The following ZNF382 variants were observed in gnomAD, a reference collection of about 807,000 sequenced individuals.
ZNF382 encodes zinc finger protein 382.
Under a neutral mutation model 38.8 loss-of-function variants are expected in ZNF382, and 20 were observed. The observed-to-expected ratio is 0.51, with a 90% CI of 0.36 to 0.75. ZNF382 has a LOEUF of 0.75. Ranked by LOEUF, ZNF382 falls within the 30% of genes least tolerant of loss-of-function variation. The probability of loss-of-function intolerance (pLI) is 0.00; values close to 1 mark genes in which losing one functional copy is unlikely to be tolerated. For synonymous variants in ZNF382, 202 were observed against 223.1 expected (o/e 0.91, Z 0.84); for missense variants, 546 against 654.1 (o/e 0.83, Z 1.80).
chr19:36,612,207 T>C (rs2037083016), intron 4 of ZNF382, among the ~76,000 whole-genome samples: 1 of 152,254 alleles, frequency 6.6e-6, no homozygotes, highest in Admixed American at 6.5e-5. Flanking sequence ...TAGATTCATT[T>C]TGTCTATTGC....
At position 36,618,817 on chromosome 19, in the gene ZNF382, C is replaced by T. The variant is rs549795292; in HGVS notation, c.233-7313C>T. On this transcript the variant is annotated intron_variant, in intron 4 of 4. Coordinates refer to ENST00000292928, the MANE Select transcript of ZNF382 (RefSeq NM_032825.5). ...CTTTGGGAGGCTGCGACGGGAGGAT[C>T]ACTTGAGGCCAGGAGTTCCAGACCA... 2.6e-5 allele frequency among the ~76,000 whole-genome samples: 4 copies of T among 152,234 alleles called. No individual in the cohort carries two copies. In the South Asian group the frequency reaches 8.3e-4, roughly 32 times the overall value.
Position 36,627,495 on chromosome 19 carries a change from C to T in ZNF382, c.1598C>T (p.Ser533Leu). 6.2e-7 allele frequency: 1 copy of T among 1,613,854 alleles called. No individual in the cohort carries two copies. The highest frequency in any genetic ancestry group is 8.5e-7 in the Non-Finnish European group (1 of 1,179,780). ...KQCGKFFSCK[S>L]NLIVHQKTHK... ...TGTGGGAAGTTCTTCAGTTGTAAGT[C>T]AAACCTCATTGTCCATCAGAAAACT... The change falls in exon 5 of 5, where the codon TCA becomes TTA. Residue 533 changes from serine to leucine, a missense_variant. By Grantham distance (145) the Ser-to-Leu change is moderately radical (BLOSUM62 -2). Transcript: ENST00000292928.
At chr19:36,611,929 C>T (rs530646170) in intron 4 of ZNF382, among the ~76,000 whole-genome samples, 13 of 152,134 alleles carry the variant, frequency 8.5e-5, no homozygotes, top group Non-Finnish European at 1.6e-4. Context: ...GAATATCACT[C>T]CCCATGTAAA....
chr19:36,607,414 C>A, intron 1 of ZNF382, 138 bp from the exon 2 acceptor site: 1 of 571,154 alleles, frequency 1.8e-6, no homozygotes, highest in Non-Finnish European at 3.0e-6. Context: ...TAACTACCAT[C>A]CTGGACATCT....
chr19:36,625,089 AATATATATATATATAT>A (rs371760229), intron 4 of ZNF382, among the ~76,000 whole-genome samples: 719 of 43,004 alleles, frequency 0.017, 46 homozygotes, highest in Middle Eastern at 0.033. Context: ...AATGAATTTA[AATATATATATATATAT>A]ATATATATAT....
At position 36,629,621 on chromosome 19, in the gene ZNF382, TATCTGTTA is replaced by T. The variant is rs2037240503; in HGVS notation, c.*2074_*2081del. The T allele has an allele frequency of 6.6e-6, 1 of 152,210 alleles. No individual in the cohort carries two copies. Among genetic ancestry groups the T allele is most frequent in the Non-Finnish European group, 1.5e-5 (1 of 68,046 alleles). The allele number at this position is 152,210 out of a possible 1,614,324, so 9.4% of individuals were successfully genotyped here. On this transcript the variant is annotated 3_prime_UTR_variant, in exon 5 of 5. Coordinates refer to ENST00000292928, the MANE Select transcript of ZNF382 (RefSeq NM_032825.5). ...TTAAAAGGGAAAAGTAATTTTTTAG[TATCTGTTA>T]ATATATAATAAAAATAAAGGTATAA...
chr19:36,614,493 TG>T (rs1358772503), intron 4 of ZNF382, among the ~76,000 whole-genome samples: 10 of 152,258 alleles, frequency 6.6e-5, no homozygotes, highest in Admixed American at 1.3e-4. Context: ...TTGAGTCCTG[TG>T]GTTCATGACA....
intron 4 of ZNF382, among the ~76,000 whole-genome samples, chr19:36,617,007 C>T (rs1489444681): frequency 6.6e-6 from 1 of 151,882 alleles, no homozygotes; most frequent in Non-Finnish European, 1.5e-5. Flanking sequence ...AGGAGTGGAG[C>T]AGTGGGAAAA....
chr19:36,613,082 C>T (rs2037091996), intron 4 of ZNF382, among the ~76,000 whole-genome samples: 1 of 152,050 alleles, frequency 6.6e-6, no homozygotes, highest in Non-Finnish European at 1.5e-5. Context: ...TGAGCCACTG[C>T]ACCTGGCCCT....
chr19:36,611,923 A>G (rs371644240), intron 4 of ZNF382, among the ~76,000 whole-genome samples: 2 of 152,214 alleles, frequency 1.3e-5, no homozygotes, highest in Non-Finnish European at 2.9e-5. Flanking sequence ...AGGTATGAAT[A>G]TCACTCCCCA....
intron 3 of ZNF382, 127 bp from the exon 4 acceptor site, chr19:36,610,523 A>T: frequency 1.6e-6 from 1 of 614,788 alleles, no homozygotes; most frequent in South Asian, 2.2e-5. Context: ...TGTGTAGTGT[A>T]AGGTATTAAC....
In ZNF382 at chr19:36,607,216, CAAG is replaced by C. The variant is rs2037040298; in HGVS notation, c.-84-330_-84-328del. ...TATCAGTGTAAATTGGCAAAAAGTC[CAAG>C]AAGAACCGTTTGGAAATACACAGTA... On this transcript the variant is annotated intron_variant, in intron 1 of 4. Coordinates refer to ENST00000292928, the MANE Select transcript of ZNF382 (RefSeq NM_032825.5). 2.0e-5 allele frequency among the ~76,000 whole-genome samples: 3 copies of C among 152,186 alleles called. No individual in the cohort carries two copies. The East Asian group carries it at 5.8e-4, about 29-fold the overall frequency.
intron 4 of ZNF382, among the ~76,000 whole-genome samples, chr19:36,623,854 G>T (rs2037188854): frequency 6.6e-6 from 1 of 151,662 alleles, no homozygotes; most frequent in South Asian, 2.1e-4. Flanking sequence ...ACTTTGGGAG[G>T]CCGAGGTGGG....
At chr19:36,624,901 A>G (rs1279354384) in intron 4 of ZNF382, among the ~76,000 whole-genome samples, 1 of 145,218 alleles carries the variant, frequency 6.9e-6, no homozygotes, top group Non-Finnish European at 1.5e-5. Context: ...CCCGTCTGTG[A>G]AAAAAAAAAA....
intron 2 of ZNF382, chr19:36,609,196 A>G (rs1600386753): frequency 6.6e-6 from 1 of 152,248 alleles, no homozygotes; most frequent in East Asian, 1.9e-4. Context: ...AACAATTTAC[A>G]TTCGAGAGCA....
At chr19:36,609,761 T>C (rs1600387057) in intron 2 of ZNF382, 141 bp from the exon 3 acceptor site, 1 of 783,510 alleles carries the variant, frequency 1.3e-6, no homozygotes, top group East Asian at 3.2e-5. Context: ...AGCATGAGAT[T>C]ATAAGTAAAT....
At chr19:36,611,315 TC>T (rs1430259354) in intron 4 of ZNF382, among the ~76,000 whole-genome samples, 1 of 151,618 alleles carries the variant, frequency 6.6e-6, no homozygotes, top group African/African-American at 2.4e-5. Context: ...AAAAATAACT[TC>T]CCTTTATCCC....
Position 36,626,795 on chromosome 19 carries a change from T to C in ZNF382, c.898T>C (p.Tyr300His). Reference protein sequence around the residue: ...QTEEKPFHCPYCGNNFRRKSY... With the variant: ...QTEEKPFHCPHCGNNFRRKSY... ...AGAAGAGAAACCCTTTCACTGTCCT[T>C]ACTGTGGGAATAACTTTAGAAGGAA... The change falls in exon 5 of 5, where the codon TAC becomes CAC. Residue 300 changes from tyrosine (Y) to histidine (H), a missense_variant. Transcript: ENST00000292928. The C allele has an allele frequency of 1.2e-6, 2 of 1,614,224 alleles. No homozygotes were observed. Among genetic ancestry groups the C allele is most frequent in the Middle Eastern group, 3.3e-4 (2 of 6,062 alleles).
chr19:36,627,408 A>G lies in ZNF382; in HGVS notation c.1511A>G (p.Lys504Arg). 1 of 1,614,218 alleles carries G rather than the reference A, an allele frequency of 6.2e-7. No individual in the cohort carries two copies. The highest frequency in any genetic ancestry group is 1.3e-5 in the African/African-American group (1 of 75,062). Residue 504 changes from lysine to arginine, a missense_variant, in exon 5 of 5, where the codon AAA (lysine) becomes AGA (arginine). Lys to Arg is a conservative substitution (Grantham distance 26, BLOSUM62 2). Transcript: ENST00000292928. ...CAGTGTGGGAAAGCCTTCAGTAGGA[A>G]ATCAAACCTCATTCGCCATCAGAAA... ...CPQCGKAFSRKSNLIRHQKTH... is the reference protein window; with the variant it reads ...CPQCGKAFSRRSNLIRHQKTH...
Sources: allele counts gnomAD v4.1 joint callset (sites outside exome capture counted in the v4.1 genomes callset), GRCh38; gene constraint gnomAD v4.1.1; transcripts MANE v1.5; gene names NCBI Gene and HGNC (gene_info 2026-07-23, HGNC 2026-07-21).